FEZ1: variants seen among roughly 807,000 people sequenced by gnomAD.
FEZ1 encodes fasciculation and elongation protein zeta 1.
A neutral mutation model predicts 49.3 loss-of-function variants in FEZ1; 20 were observed. The observed-to-expected ratio is 0.41, with a 90% CI of 0.29 to 0.59. FEZ1 has a LOEUF of 0.59. Ranked by LOEUF, FEZ1 falls within the 20% of genes least tolerant of loss-of-function variation. The pLI is 0.36. For synonymous variants in FEZ1, 170 were observed against 180.9 expected (o/e 0.94, Z 0.48); for missense variants, 413 against 476.0 (o/e 0.87, Z 1.23).
chr11:125,482,838 C>G (rs190351911), intron 2 of FEZ1, among the ~76,000 whole-genome samples: 1 of 151,918 alleles, frequency 6.6e-6, no homozygotes, highest in Admixed American at 6.6e-5. Flanking sequence ...GTAGCATGGG[C>G]CTATAGTCCC....
Position 125,448,524 on chromosome 11 carries a change from CA to C in FEZ1, c.1139del (p.Leu380CysfsTer2). The C allele has an allele frequency of 6.2e-7, 1 of 1,612,368 alleles. No individual in the cohort carries two copies. The highest frequency in any genetic ancestry group is 8.5e-7 in the Non-Finnish European group (1 of 1,178,460). On this transcript the variant is annotated frameshift_variant, in exon 9 of 10. Transcript: ENST00000278919. LOFTEE classifies it high-confidence loss of function. ...MKEDNEKVPT[L>X]LTDYILKVLC... ...TACCTTTTAAAATGTAGTCCGTTAG[CA>C]AAGTAGGCACCTTCTCATTATCCTC... is the stretch of plus-strand genomic sequence containing the variant.
intron 1 of FEZ1, among the ~76,000 whole-genome samples, chr11:125,493,362 A>AGAAAAGAAAGAAAG (rs1957403663): frequency 6.1e-5 from 3 of 49,580 alleles, no homozygotes; most frequent in African/African-American, 8.1e-5. Context: ...AGAAAGAGAG[A>AGAAAAGAAAGAAAG]AAAGAAAGAA....
intron 8 of FEZ1, among the ~76,000 whole-genome samples, chr11:125,450,004 T>C (rs1956939032): frequency 6.6e-6 from 1 of 151,742 alleles, no homozygotes; most frequent in Admixed American, 6.6e-5. Context: ...TTAAGTGGAT[T>C]CTAGGGGGTC....
At chr11:125,494,371 C>T (rs1591607851) in intron 1 of FEZ1, among the ~76,000 whole-genome samples, 1 of 152,190 alleles carries the variant, frequency 6.6e-6, no homozygotes, top group East Asian at 1.9e-4. Context: ...TCGCCCTCCT[C>T]TCTTCACGGA....
At chr11:125,475,779 T>G (rs1364178087) in intron 3 of FEZ1, among the ~76,000 whole-genome samples, 1 of 151,926 alleles carries the variant, frequency 6.6e-6, no homozygotes, top group East Asian at 1.9e-4. Context: ...ACCATATGAC[T>G]CAGCCATTCC....
chr11:125,483,086 C>A lies in FEZ1; in HGVS notation c.312-1453G>T, dbSNP rs182602284. ...CTATGCATGTCAAACACAAATGATACCCGTGACAGCAAGATTTCAAAAATA... is the reference window on the plus strand; with the variant it reads ...CTATGCATGTCAAACACAAATGATAACCGTGACAGCAAGATTTCAAAAATA... On this transcript the variant is annotated intron_variant, in intron 2 of 9. Transcript: ENST00000278919. Among the ~76,000 whole-genome samples the A allele has an allele frequency of 6.4e-4, 95 of 149,586 alleles. 2 individuals are homozygous for A. The highest frequency in any genetic ancestry group is 2.3e-3 in the African/African-American group (93 of 40,744).
At chr11:125,456,248 C>G in intron 5 of FEZ1, 142 bp from the exon 6 acceptor site, 1 of 799,154 alleles carries the variant, frequency 1.3e-6, no homozygotes. Context: ...CAAGAAAGAC[C>G]TTCACAATTT....
chr11:125,458,007 G>A (rs768771370), intron 5 of FEZ1, among the ~76,000 whole-genome samples: 5 of 151,998 alleles, frequency 3.3e-5, no homozygotes, highest in African/African-American at 9.7e-5. Context: ...TTTGCTGAAC[G>A]CGTCTATCTT....
intron 8 of FEZ1, among the ~76,000 whole-genome samples, chr11:125,450,684 T>C (rs1956946416): frequency 6.6e-6 from 1 of 152,038 alleles, no homozygotes; most frequent in South Asian, 2.1e-4. Context: ...AGCAATAAAA[T>C]GTTGGAAGGT....
In FEZ1 at chr11:125,443,882, G is replaced by A. The variant is rs1476518845; in HGVS notation, c.*2213C>T. 1.3e-5 allele frequency among the ~76,000 whole-genome samples: 2 copies of A among 152,236 alleles called. No individual in the cohort carries two copies. Among genetic ancestry groups the A allele is most frequent in the East Asian group, 1.9e-4 (1 of 5,182 alleles). On this transcript the variant is annotated 3_prime_UTR_variant, in exon 10 of 10. Transcript: ENST00000278919. ...CAGCTTTGATTAGCTTGTCTCTGCC[G>A]CTTCAGACACCTGCTGGCAGGATAA...
intron 4 of FEZ1, among the ~76,000 whole-genome samples, chr11:125,461,647 T>C (rs554622781): frequency 6.6e-6 from 1 of 152,330 alleles, no homozygotes; most frequent in South Asian, 2.1e-4. Context: ...CTTTGTACAT[T>C]AATTATTTAC....
chr11:125,476,667 A>C, intron 3 of FEZ1, among the ~76,000 whole-genome samples: 1 of 152,204 alleles, frequency 6.6e-6, no homozygotes, highest in East Asian at 1.9e-4. Context: ...AGGAGCAGGA[A>C]TCTAAAGATG....
At chr11:125,454,235 G>A in intron 6 of FEZ1, 25 bp from the exon 7 acceptor site, 1 of 1,590,590 alleles carries the variant, frequency 6.3e-7, no homozygotes, top group African/African-American at 1.3e-5. Context: ...GACTCAAGAA[G>A]GGCAAATGCT....
At chr11:125,477,460 G>A (rs942998266) in intron 3 of FEZ1, among the ~76,000 whole-genome samples, 11 of 152,016 alleles carry the variant, frequency 7.2e-5, no homozygotes, top group African/African-American at 2.7e-4. Context: ...AGCCGAGATC[G>A]TGCCACTGCA....
At chr11:125,460,379 T>A in intron 5 of FEZ1, 119 bp downstream of exon 5, 1 of 796,708 alleles carries the variant, frequency 1.3e-6, no homozygotes. Context: ...CACCTAGATC[T>A]GCAAGGCTCT....
At position 125,456,019 on chromosome 11, in the gene FEZ1, T is replaced by C. The variant is rs1216205084; in HGVS notation, c.755A>G (p.Gln252Arg). 6.2e-7 allele frequency: 1 copy of C among 1,613,226 alleles called. No homozygotes were observed. Among genetic ancestry groups the C allele is most frequent in the Non-Finnish European group, 8.5e-7 (1 of 1,179,948 alleles). Residue 252 changes from glutamine to arginine, a missense_variant, in exon 6 of 10, where the codon CAG becomes CGG. Coordinates refer to ENST00000278919, the MANE Select transcript of FEZ1 (RefSeq NM_005103.5). ...AIRDFSEELV[Q>R]QLARRDELEF... ...CAGCTCGTCCCGGCGGGCCAGCTGC[T>C]GCACCAGCTCCTCCGAGAAGTCACG...
intron 3 of FEZ1, 90 bp downstream of exon 3, chr11:125,481,444 A>G (rs1416226584): frequency 8.4e-6 from 7 of 838,014 alleles, no homozygotes; most frequent in Non-Finnish European, 1.5e-5. Flanking sequence ...TCCATCAACA[A>G]TTTTGAGGAA....
rs896890155 is a variant in FEZ1 at position 125,445,892 on chromosome 11, C to T, written c.*203G>A. 1.5e-5 allele frequency: 9 copies of T among 617,690 alleles called. No homozygotes were observed. Among genetic ancestry groups the T allele is most frequent in the Admixed American group, 4.3e-5 (2 of 46,684 alleles). 38.3% of individuals were successfully genotyped at this position (617,690 alleles called of 1,614,324 possible). On this transcript the variant is annotated 3_prime_UTR_variant, in exon 10 of 10. Coordinates refer to ENST00000278919, the MANE Select transcript of FEZ1 (RefSeq NM_005103.5). This position sits in a 1 kb window ranked among gnomAD's most constrained non-coding sequence, Gnocchi z 4.4. ...ACCAGCAAGGGGGAGGCACCATCAC[C>T]GGCCCTGCCCCATCATGCATCCAAT...
chr11:125,482,333 G>A lies in FEZ1; in HGVS notation c.312-700C>T, dbSNP rs1053665882. ...CTGCATTGTGTCATTCCAACATCACGGACACTCTCAGGTAAATACTGTATA... is the reference window on the plus strand; with the variant it reads ...CTGCATTGTGTCATTCCAACATCACAGACACTCTCAGGTAAATACTGTATA... On this transcript the variant is annotated intron_variant, in intron 2 of 9. Transcript: ENST00000278919. 3.9e-5 allele frequency among the ~76,000 whole-genome samples: 6 copies of A among 152,048 alleles called. No individual in the cohort carries two copies. The East Asian group carries it at 5.8e-4, about 15-fold the overall frequency.
Sources: allele counts gnomAD v4.1 joint callset (sites outside exome capture counted in the v4.1 genomes callset), GRCh38; gene constraint gnomAD v4.1.1; non-coding constraint Gnocchi (gnomAD v3.1); transcripts MANE v1.5; gene names NCBI Gene and HGNC (gene_info 2026-07-23, HGNC 2026-07-21).